Variants in BCAS1 observed in about 807,000 individuals in gnomAD.
The protein encoded by BCAS1 is breast carcinoma-amplified sequence 1.
A neutral mutation model predicts 65.4 loss-of-function variants in BCAS1; 46 were observed. That is an observed-to-expected ratio of 0.70 (90% confidence interval 0.55 to 0.90). BCAS1 has a LOEUF of 0.90. Ranked by LOEUF, BCAS1 falls within the 40% of genes least tolerant of loss-of-function variation. The pLI is 0.00. For synonymous variants in BCAS1, 298 were observed against 293.5 expected, an observed-to-expected ratio of 1.02 and a Z score of -0.16; for missense variants, 793 against 771.2, an observed-to-expected ratio of 1.03 and a Z score of -0.33.
At chr20:54,029,211 G>A in intron 3 of BCAS1, 1 of 985,412 alleles carries the variant, frequency 1.0e-6, no homozygotes, top group Non-Finnish European at 1.2e-6. Flanking sequence ...GTCACTAGCT[G>A]CCAGGTGTGG....
intron 9 of BCAS1, among the ~76,000 whole-genome samples, chr20:53,973,786 G>A: frequency 6.6e-6 from 1 of 152,094 alleles, no homozygotes; most frequent in East Asian, 1.9e-4. Flanking sequence ...GCTAAGATTG[G>A]CTCAAGAAAG....
intron 4 of BCAS1, among the ~76,000 whole-genome samples, chr20:54,025,330 G>C (rs962632803): frequency 6.6e-6 from 1 of 152,058 alleles, no homozygotes; most frequent in African/African-American, 2.4e-5. Context: ...TTGTTGTGGG[G>C]AGAGGAAAAA....
chr20:53,957,601 TG>T, intron 10 of BCAS1, 104 bp from the exon 11 acceptor site: 1 of 1,119,336 alleles, frequency 8.9e-7, no homozygotes, highest in Non-Finnish European at 1.4e-6. Context: ...CATTGAGGTT[TG>T]GGGTCAAGAC....
At chr20:54,045,525 G>A (rs978310011) in intron 3 of BCAS1, among the ~76,000 whole-genome samples, 11 of 152,176 alleles carry the variant, frequency 7.2e-5, no homozygotes, top group South Asian at 2.1e-4. Context: ...ATCCCTGAGC[G>A]GACAAAGCCT....
chr20:54,058,712 T>C lies in BCAS1; in HGVS notation c.7A>G (p.Asn3Asp), dbSNP rs151035253. 1.2e-4 allele frequency: 186 copies of C among 1,611,664 alleles called. 1 individual carries two copies. The African/African-American group carries it at 2.2e-3, about 19-fold the overall frequency. Reference protein sequence around the residue: MGNQMSVPQRVED... With the variant: MGDQMSVPQRVED... ...ACTCTTTGGGGAACACTCATTTGGTTACCCATTGCTCCTATAATGGAGAGA... is the reference window on the plus strand; with the variant it reads ...ACTCTTTGGGGAACACTCATTTGGTCACCCATTGCTCCTATAATGGAGAGA... Residue 3 changes from asparagine to aspartate, a missense_variant, in exon 2 of 13, where the codon AAC becomes GAC. Physicochemically the swap from Asn to Asp is conservative, Grantham distance 23. Coordinates refer to ENST00000688948, the MANE Select transcript of BCAS1 (RefSeq NM_001366298.2).
intron 8 of BCAS1, among the ~76,000 whole-genome samples, chr20:53,978,626 T>G (rs1003238287): frequency 6.6e-6 from 1 of 152,218 alleles, no homozygotes; most frequent in African/African-American, 2.4e-5. Flanking sequence ...CTTCTCAGAT[T>G]GTGTCCAAGA....
chr20:53,950,279 C>G (rs2089474220), intron 12 of BCAS1, among the ~76,000 whole-genome samples: 1 of 152,190 alleles, frequency 6.6e-6, no homozygotes, highest in African/African-American at 2.4e-5. Context: ...GCTCACTAAG[C>G]TCATTCCCAC....
intron 4 of BCAS1, among the ~76,000 whole-genome samples, chr20:54,008,787 T>C (rs189055912): frequency 2.8e-4 from 43 of 152,224 alleles, no homozygotes; most frequent in African/African-American, 9.9e-4. Flanking sequence ...ATGACAGAGA[T>C]GCTAGAATTA....
At chr20:53,971,962 C>T (rs1271221036) in intron 9 of BCAS1, among the ~76,000 whole-genome samples, 5 of 152,176 alleles carry the variant, frequency 3.3e-5, no homozygotes, top group Admixed American at 2.6e-4. Flanking sequence ...ACCAGAAGCA[C>T]ATTCTAGGAA....
At chr20:54,061,624 A>G (rs183425945) in intron 1 of BCAS1, among the ~76,000 whole-genome samples, 24 of 152,302 alleles carry the variant, frequency 1.6e-4, no homozygotes, top group Non-Finnish European at 3.4e-4. Context: ...GAGGAGGCCA[A>G]AAAAAGGGTC....
At chr20:54,027,787 A>G (rs1452200631) in intron 4 of BCAS1, among the ~76,000 whole-genome samples, 1 of 144,602 alleles carries the variant, frequency 6.9e-6, no homozygotes, top group Non-Finnish European at 1.5e-5. Context: ...CCAACACAAA[A>G]AAACCCCCCA....
chr20:54,013,351 G>T (rs1474340550), intron 4 of BCAS1, among the ~76,000 whole-genome samples: 2 of 152,180 alleles, frequency 1.3e-5, no homozygotes, highest in Non-Finnish European at 2.9e-5. Context: ...ATTTTGGATT[G>T]AGAAGGCTTT....
intron 4 of BCAS1, among the ~76,000 whole-genome samples, chr20:54,015,490 T>C (rs79550944): frequency 3.9e-5 from 6 of 152,150 alleles, no homozygotes. Flanking sequence ...GTTTTTTTTT[T>C]ATAATGCATT....
intron 4 of BCAS1, among the ~76,000 whole-genome samples, chr20:54,018,486 G>A (rs6022920): frequency 0.04 from 5,852 of 147,002 alleles, 141 homozygotes; most frequent in African/African-American, 0.067. Context: ...ACAGGCGCCC[G>A]CCACCACGCC....
chr20:54,037,210 A>C (rs2091914246), intron 3 of BCAS1, among the ~76,000 whole-genome samples: 3 of 151,378 alleles, frequency 2.0e-5, no homozygotes, highest in African/African-American at 7.3e-5. Context: ...AGGCCTCAGG[A>C]AACTTACAAT....
At chr20:53,990,978 C>T (rs2090743466) in intron 7 of BCAS1, among the ~76,000 whole-genome samples, 1 of 152,192 alleles carries the variant, frequency 6.6e-6, no homozygotes, top group African/African-American at 2.4e-5. Flanking sequence ...GGGAGGCCAA[C>T]AGTTTTTGGG....
chr20:53,945,547 TC>T (rs1014987982), intron 12 of BCAS1, among the ~76,000 whole-genome samples: 10 of 152,058 alleles, frequency 6.6e-5, no homozygotes, highest in African/African-American at 2.2e-4. Flanking sequence ...ATGCTATCCT[TC>T]CCCCAACCCC....
At chr20:54,015,838 C>T (rs900772042) in intron 4 of BCAS1, among the ~76,000 whole-genome samples, 8 of 152,052 alleles carry the variant, frequency 5.3e-5, no homozygotes, top group African/African-American at 9.7e-5. Flanking sequence ...GAGGAGGAAT[C>T]GAGAAATTAC....
chr20:53,967,266 C>T (rs948404145), intron 9 of BCAS1, among the ~76,000 whole-genome samples, 193 bp from the exon 10 acceptor site: 17 of 152,174 alleles, frequency 1.1e-4, no homozygotes, highest in Admixed American at 1.1e-3. Context: ...CCAAGCTCAA[C>T]TGCCACATTG....
Sources: gnomAD v4.1 joint callset for allele counts (sites outside exome capture counted in the v4.1 genomes callset) on GRCh38, gnomAD v4.1.1 for gene constraint, MANE v1.5 for transcripts, NCBI Gene and HGNC (gene_info 2026-07-23, HGNC 2026-07-21) for gene names.